Variants in SNX9 observed in about 807,000 individuals in gnomAD.
The protein encoded by SNX9 is sorting nexin-9.
SNX9 carries 44 observed loss-of-function variants against 89.4 expected under a neutral mutation model. The ratio of observed to expected loss-of-function variants is 0.49; its 90% confidence interval spans 0.39 to 0.63. The LOEUF (loss-of-function observed/expected upper bound fraction) is 0.63, where lower values mean the gene tolerates loss of function less well. Ranked by LOEUF, SNX9 falls within the 30% of genes least tolerant of loss-of-function variation. The pLI, the probability that SNX9 is intolerant of heterozygous loss-of-function variation, is 0.00. For synonymous variants in SNX9, 236 were observed against 247.8 expected, an observed-to-expected ratio of 0.95 and a Z score of 0.45; for missense variants, 578 against 736.1, an observed-to-expected ratio of 0.79 and a Z score of 2.49.
At chr6:157,871,086 A>G (rs1782399286) in intron 2 of SNX9, among the ~76,000 whole-genome samples, 1 of 152,240 alleles carries the variant, frequency 6.6e-6, no homozygotes, top group South Asian at 2.1e-4. Context: ...TCTTGGATTG[A>G]AAAAAGAATC....
chr6:157,910,419 G>A (rs1783314802), intron 9 of SNX9, among the ~76,000 whole-genome samples: 1 of 152,196 alleles, frequency 6.6e-6, no homozygotes, highest in Admixed American at 6.5e-5. Flanking sequence ...ATGCAAACAG[G>A]TTATGCAGAT....
intron 1 of SNX9, among the ~76,000 whole-genome samples, chr6:157,850,987 G>T (rs1464472292): frequency 1.3e-5 from 2 of 152,172 alleles, no homozygotes; most frequent in African/African-American, 4.8e-5. Context: ...TGGGCGTGGT[G>T]GCTCATGCCT....
In SNX9 at chr6:157,823,674, G is replaced by T. The variant is rs1398334237; in HGVS notation, c.12+228G>T. Among the ~76,000 whole-genome samples the T allele has an allele frequency of 6.6e-6, 1 of 151,966 alleles. No homozygotes were observed. The highest frequency in any genetic ancestry group is 1.5e-5 in the Non-Finnish European group (1 of 67,944). On this transcript the variant is annotated intron_variant, in intron 1 of 17. Transcript: ENST00000392185. The surrounding 1 kb of genome is among the most constrained non-coding windows in gnomAD (Gnocchi z 4.6). ...AGGATCGCACCGGGGGACGGCGTCG[G>T]GTCTGGGCGCGGGTTGGGACCCCGG...
At chr6:157,864,844 G>A (rs1438962402) in intron 1 of SNX9, among the ~76,000 whole-genome samples, 2 of 151,980 alleles carry the variant, frequency 1.3e-5, no homozygotes, top group Admixed American at 6.6e-5. Context: ...CCTGGCCAAC[G>A]TGGTGAAACC....
chr6:157,826,999 AC>A (rs1248116043), intron 1 of SNX9, among the ~76,000 whole-genome samples: 1 of 41,522 alleles, frequency 2.4e-5, no homozygotes, highest in Non-Finnish European at 3.6e-5. Context: ...TATAATATAT[AC>A]ATATATATTA....
intron 1 of SNX9, among the ~76,000 whole-genome samples, chr6:157,835,779 G>A (rs1403056260): frequency 6.6e-6 from 1 of 151,978 alleles, no homozygotes; most frequent in Non-Finnish European, 1.5e-5. Flanking sequence ...TTCCATCGTG[G>A]TTCATGAGGC....
chr6:157,902,151 T>C, intron 6 of SNX9, 106 bp downstream of exon 6: 2 of 1,018,026 alleles, frequency 2.0e-6, no homozygotes, highest in Non-Finnish European at 2.6e-6. Flanking sequence ...TTTCCAGTGA[T>C]CTCCTAAGTT....
chr6:157,918,219 T>C (rs1252464018), intron 9 of SNX9, among the ~76,000 whole-genome samples: 36 of 152,182 alleles, frequency 2.4e-4, no homozygotes, highest in Admixed American at 2.4e-3. Flanking sequence ...AAATTTAACA[T>C]TATGATTAGT....
chr6:157,930,750 C>G (rs1051554800), intron 12 of SNX9, among the ~76,000 whole-genome samples: 1 of 152,262 alleles, frequency 6.6e-6, no homozygotes, highest in East Asian at 1.9e-4. Context: ...AAATTGTCTT[C>G]CATGAAACCA....
At chr6:157,899,234 A>G (rs2803354) in intron 5 of SNX9, among the ~76,000 whole-genome samples, 5,639 of 152,116 alleles carry the variant, frequency 0.037, 142 homozygotes, top group Non-Finnish European at 0.052. Context: ...CCACACCCCA[A>G]CTCGGTCTTT....
chr6:157,852,493 T>G (rs539549504), intron 1 of SNX9, among the ~76,000 whole-genome samples: 1 of 152,190 alleles, frequency 6.6e-6, no homozygotes, highest in South Asian at 2.1e-4. Context: ...TCTTAGGGCA[T>G]TTGAACTTCA....
At chr6:157,894,179 A>C (rs1782926887) in intron 4 of SNX9, among the ~76,000 whole-genome samples, 1 of 129,358 alleles carries the variant, frequency 7.7e-6, no homozygotes, top group Non-Finnish European at 1.5e-5. Context: ...GCGTGATCTC[A>C]GCTCATTGCA....
At position 157,942,328 on chromosome 6, in the gene SNX9, C is replaced by A. The variant is rs183182597; in HGVS notation, c.1741-463C>A. Among the ~76,000 whole-genome samples, 304 of 152,328 alleles carry A rather than the reference C, an allele frequency of 2.0e-3. 1 individual carries two copies. The highest frequency in any genetic ancestry group is 2.3e-3 in the Non-Finnish European group (156 of 68,018). On this transcript the variant is annotated intron_variant, in intron 17 of 17. Coordinates refer to ENST00000392185, the MANE Select transcript of SNX9 (RefSeq NM_016224.5). ...GGAGCAAGAGGCCCTGGCGCAGAGA[C>A]CACTGCAGCGCCTCGTTAGCTTCAC...
intron 13 of SNX9, among the ~76,000 whole-genome samples, chr6:157,932,510 T>A (rs1163682973): frequency 6.6e-6 from 1 of 152,196 alleles, no homozygotes; most frequent in East Asian, 1.9e-4. Flanking sequence ...TTTTGCTCTC[T>A]GGTGTAGCGC....
At chr6:157,894,106 C>CTTGTTTTTTTTTTTTTTTTTT in intron 4 of SNX9, among the ~76,000 whole-genome samples, 1 of 89,564 alleles carries the variant, frequency 1.1e-5, no homozygotes, top group Admixed American at 1.2e-4. Flanking sequence ...CTTTTCTTTT[C>CTTGTTTTTTTTTTTTTTTTTT]TTTTTTTTTT....
intron 9 of SNX9, among the ~76,000 whole-genome samples, chr6:157,917,218 CCTT>C (rs1783490618): frequency 6.6e-6 from 1 of 151,922 alleles, no homozygotes; most frequent in Non-Finnish European, 1.5e-5. Context: ...TAGGTCTACT[CCTT>C]CATTTCTGAT....
intron 7 of SNX9, among the ~76,000 whole-genome samples, chr6:157,908,514 G>A (rs3792939): frequency 0.22 from 32,963 of 152,162 alleles, 3,645 homozygotes; most frequent in Non-Finnish European, 0.23. Context: ...TCTAGAATCT[G>A]TCATTGTGAT....
At chr6:157,838,984 T>C (rs1781641207) in intron 1 of SNX9, among the ~76,000 whole-genome samples, 1 of 152,226 alleles carries the variant, frequency 6.6e-6, no homozygotes, top group Non-Finnish European at 1.5e-5. Context: ...GGTAAGCTGT[T>C]GTTTGATGTG....
At chr6:157,939,340 G>C (rs1460240249) in intron 16 of SNX9, among the ~76,000 whole-genome samples, 1 of 152,172 alleles carries the variant, frequency 6.6e-6, no homozygotes, top group African/African-American at 2.4e-5. Context: ...AACATACTTA[G>C]AGGTTATTGG....
Sources: allele counts gnomAD v4.1 joint callset (sites outside exome capture counted in the v4.1 genomes callset), GRCh38; gene constraint gnomAD v4.1.1; non-coding constraint Gnocchi (gnomAD v3.1); transcripts MANE v1.5; gene names NCBI Gene and HGNC (gene_info 2026-07-23, HGNC 2026-07-21).